Variants in ATP2B4 observed in about 807,000 individuals in gnomAD.
The protein encoded by ATP2B4 is ATPase plasma membrane Ca2+ transporting 4.
ATP2B4 carries 39 observed loss-of-function variants against 110.3 expected under a neutral mutation model. The observed-to-expected ratio is 0.35, with a 90% CI of 0.27 to 0.46. The LOEUF (loss-of-function observed/expected upper bound fraction) is 0.46, where lower values mean the gene tolerates loss of function less well. ATP2B4 is among the 20% of genes least tolerant of loss of function. ATP2B4 has a pLI of 1.00. For missense variants in ATP2B4, 1,135 were observed against 1,530.9 expected, an observed-to-expected ratio of 0.74 and a Z score of 4.32; for synonymous variants, 538 against 571.7, an observed-to-expected ratio of 0.94 and a Z score of 0.84.
At chr1:203,632,892 G>T (rs1156465717) in intron 1 of ATP2B4, among the ~76,000 whole-genome samples, 2 of 152,112 alleles carry the variant, frequency 1.3e-5, no homozygotes, top group African/African-American at 4.8e-5. Flanking sequence ...TGGAATGGGG[G>T]AAGGGGAAAA....
intron 1 of ATP2B4, among the ~76,000 whole-genome samples, chr1:203,658,305 T>G (rs1664226709): frequency 2.0e-5 from 3 of 151,776 alleles, no homozygotes; most frequent in Admixed American, 2.0e-4. Flanking sequence ...GAAAGGATCT[T>G]TTGAGCTCAG....
intron 3 of ATP2B4, 62 bp from the exon 4 acceptor site, chr1:203,699,398 C>T: frequency 6.3e-7 from 1 of 1,592,040 alleles, no homozygotes; most frequent in Non-Finnish European, 8.6e-7. Context: ...GGAAGCACTA[C>T]TCCTATTTCT....
chr1:203,646,501 C>T (rs918508238), intron 1 of ATP2B4, among the ~76,000 whole-genome samples: 1 of 152,132 alleles, frequency 6.6e-6, no homozygotes, highest in East Asian at 1.9e-4. Context: ...CAGTGGCTCA[C>T]GCCTGTAATC....
At chr1:203,672,324 C>CTTTTTTTTTTT (rs57144862) in intron 1 of ATP2B4, among the ~76,000 whole-genome samples, 7 of 79,626 alleles carry the variant, frequency 8.8e-5, no homozygotes, top group East Asian at 2.4e-3. Context: ...TGCGGTGGCT[C>CTTTTTTTTTTT]TTTTTTTTTT....
chr1:203,733,212 A>C, intron 20 of ATP2B4: 1 of 1,609,084 alleles, frequency 6.2e-7, no homozygotes, highest in Middle Eastern at 1.7e-4. Flanking sequence ...TCACTCTCTG[A>C]TTCTTTGCAG....
chr1:203,718,002 T>C (rs12040899), intron 15 of ATP2B4, among the ~76,000 whole-genome samples: 9,986 of 152,074 alleles, frequency 0.066, 446 homozygotes, highest in East Asian at 0.15. Context: ...GAGAACACAA[T>C]TGGAACTCAA....
intron 1 of ATP2B4, among the ~76,000 whole-genome samples, chr1:203,658,084 G>C (rs1270482985): frequency 1.3e-5 from 2 of 152,130 alleles, no homozygotes; most frequent in Non-Finnish European, 2.9e-5. Context: ...ATAGACTATA[G>C]TATTGTGTAC....
rs1663188193 is a variant in ATP2B4 at position 203,629,311 on chromosome 1, C to T, written c.-465+2092C>T. On this transcript the variant is annotated intron_variant, in intron 1 of 20. Transcript: ENST00000357681. This position sits in a 1 kb window ranked among gnomAD's most constrained non-coding sequence, Gnocchi z 4.6. The stretch of plus-strand genomic sequence containing the variant: ...CTATACTCCTCCTCGGGAGTCCCAT[C>T]CTCCCTGCCACCATCTTGCTGAGGT... Among the ~76,000 whole-genome samples the T allele has an allele frequency of 6.6e-6, 1 of 152,240 alleles. No homozygotes were observed. The highest frequency in any genetic ancestry group is 1.5e-5 in the Non-Finnish European group (1 of 68,040).
In ATP2B4 at chr1:203,724,014, G is replaced by A. The variant is rs368130955; in HGVS notation, c.3132+26G>A. 17 of 1,578,390 alleles carry A rather than the reference G, an allele frequency of 1.1e-5. No homozygotes were observed. The African/African-American group carries it at 2.3e-4, about 21-fold the overall frequency. Reference sequence around the variant, plus strand: ...GTGAGTACCGGCACACCCTCCTGGTGCATTCTCACAGCCTGCAGAACTCCC... The same window carrying A: ...GTGAGTACCGGCACACCCTCCTGGTACATTCTCACAGCCTGCAGAACTCCC... On this transcript the variant is annotated intron_variant, in intron 19 of 20. Coordinates refer to ENST00000357681, the MANE Select transcript of ATP2B4 (RefSeq NM_001684.5).
Position 203,700,660 on chromosome 1 carries a change from C to A in ATP2B4, c.776-138C>A, listed in dbSNP as rs556820729. The A allele has an allele frequency of 4.8e-6, 6 of 1,249,574 alleles. No individual in the cohort carries two copies. The Admixed American group carries it at 1.3e-4, about 26-fold the overall frequency. The allele number at this position is 1,249,574 out of a possible 1,614,324, so 77.4% of individuals were successfully genotyped here. A position where few individuals can be genotyped will look rare whatever the true frequency, so the allele number is the denominator to read the frequency against. On this transcript the variant is annotated intron_variant, in intron 5 of 20. Coordinates refer to ENST00000357681, the MANE Select transcript of ATP2B4 (RefSeq NM_001684.5). ...TGTTTTAAATGCGCCCAGCTCTTGA[C>A]CTTTTCCTACTGTGCTAAGCACATC...
chr1:203,645,559 C>T (rs1663769928), intron 1 of ATP2B4, among the ~76,000 whole-genome samples: 1 of 151,022 alleles, frequency 6.6e-6, no homozygotes, highest in East Asian at 1.9e-4. Flanking sequence ...CCTCATTCAA[C>T]ACCCTTCCCA....
chr1:203,700,156 C>T (rs1230821017), intron 4 of ATP2B4, 50 bp from the exon 5 acceptor site: 1 of 1,580,056 alleles, frequency 6.3e-7, no homozygotes, highest in Non-Finnish European at 8.6e-7. Context: ...TACCCTCAGC[C>T]AGTCTCTTAC....
chr1:203,687,302 A>AAAAAG (rs1267960141), intron 2 of ATP2B4, among the ~76,000 whole-genome samples: 20 of 152,268 alleles, frequency 1.3e-4, no homozygotes, highest in Admixed American at 1.1e-3. Flanking sequence ...AAGAAAGAAA[A>AAAAAG]AAAAGAAAAG....
chr1:203,663,621 T>A (rs1664415640), intron 1 of ATP2B4, among the ~76,000 whole-genome samples: 1 of 152,060 alleles, frequency 6.6e-6, no homozygotes, highest in African/African-American at 2.4e-5. Context: ...CTTTTTTTTT[T>A]TTTAAGCAAG....
chr1:203,702,017 C>G lies in ATP2B4; in HGVS notation c.902-27C>G, dbSNP rs1403719780. ...TTAATAGTTACTTTGGGTTTCGACC[C>G]CACTTTTTTCTTTCTTGTTCAAACA... On this transcript the variant is annotated intron_variant, in intron 6 of 20. Transcript: ENST00000357681. The G allele has an allele frequency of 2.5e-6, 4 of 1,613,722 alleles. No homozygotes were observed. In the East Asian group the frequency reaches 8.9e-5, roughly 36 times the overall value.
intron 20 of ATP2B4, among the ~76,000 whole-genome samples, chr1:203,730,823 G>A (rs1163082691): frequency 6.6e-6 from 1 of 152,258 alleles, no homozygotes; most frequent in African/African-American, 2.4e-5. Context: ...TGTTCAAGAT[G>A]CCACAGTGAC....
At chr1:203,713,684 C>T (rs1666079114) in intron 14 of ATP2B4, among the ~76,000 whole-genome samples, 2 of 152,206 alleles carry the variant, frequency 1.3e-5, no homozygotes, top group East Asian at 1.9e-4. Flanking sequence ...AGGCTGGTCT[C>T]GAACTCCTGA....
At chr1:203,702,733 C>T (rs1291443140) in intron 7 of ATP2B4, among the ~76,000 whole-genome samples, 1 of 152,220 alleles carries the variant, frequency 6.6e-6, no homozygotes, top group Non-Finnish European at 1.5e-5. Context: ...GTATCCTAAG[C>T]AAGGGGCTGA....
intron 1 of ATP2B4, among the ~76,000 whole-genome samples, chr1:203,634,768 A>G (rs1265564227): frequency 1.3e-5 from 2 of 152,070 alleles, no homozygotes; most frequent in Non-Finnish European, 2.9e-5. Context: ...GGCTCAAGCT[A>G]TCCTCCCACC....
Sources: allele counts gnomAD v4.1 joint callset (sites outside exome capture counted in the v4.1 genomes callset), GRCh38; gene constraint gnomAD v4.1.1; non-coding constraint Gnocchi (gnomAD v3.1); transcripts MANE v1.5; gene names NCBI Gene and HGNC (gene_info 2026-07-23, HGNC 2026-07-21).